Variants in SGPP2 observed in about 807,000 individuals in gnomAD.
The protein encoded by SGPP2 is sphingosine 1-phosphate phosphohydrolase 2.
Under a neutral mutation model 33.9 loss-of-function variants are expected in SGPP2, and 30 were observed. The ratio of observed to expected loss-of-function variants is 0.89; its 90% CI spans 0.66 to 1.20. SGPP2 has a LOEUF of 1.20. Among genes scored for constraint, SGPP2 ranks in the 50% most tolerant of loss-of-function variants. The probability of loss-of-function intolerance (pLI) is 0.00; values close to 1 mark genes in which losing one functional copy is unlikely to be tolerated. For synonymous variants in SGPP2, 233 were observed against 225.0 expected, an observed-to-expected ratio of 1.04 and a Z score of -0.32; for missense variants, 458 against 532.1, an observed-to-expected ratio of 0.86 and a Z score of 1.37.
chr2:222,524,876 C>T (rs1240396813), intron 3 of SGPP2, 68 bp from the exon 4 acceptor site: 10 of 1,232,126 alleles, frequency 8.1e-6, no homozygotes, highest in Non-Finnish European at 1.2e-5. Context: ...CCTATTCCCA[C>T]CTATGACATC....
At chr2:222,543,383 G>A (rs1333991916) in intron 4 of SGPP2, among the ~76,000 whole-genome samples, 1 of 152,032 alleles carries the variant, frequency 6.6e-6, no homozygotes, top group African/African-American at 2.4e-5. Context: ...TTATCCTCAG[G>A]GTATGCATTC....
chr2:222,483,337 C>G (rs1312009108), intron 2 of SGPP2, among the ~76,000 whole-genome samples: 9 of 151,576 alleles, frequency 5.9e-5, no homozygotes, highest in Non-Finnish European at 1.5e-5. Flanking sequence ...AGCCAAAGTC[C>G]TGGTGATAAG....
At chr2:222,458,204 A>G (rs1234109178) in intron 1 of SGPP2, among the ~76,000 whole-genome samples, 1 of 146,588 alleles carries the variant, frequency 6.8e-6, no homozygotes, top group East Asian at 2.0e-4. Context: ...AAGTGCCACC[A>G]TGCCTAGCTA....
At chr2:222,510,494 A>G (rs185245644) in intron 2 of SGPP2, among the ~76,000 whole-genome samples, 1 of 152,144 alleles carries the variant, frequency 6.6e-6, no homozygotes, top group East Asian at 1.9e-4. Context: ...CAGTGTTTCT[A>G]CCCCATGAGA....
chr2:222,426,310 CTG>C (rs1166899594), intron 1 of SGPP2, among the ~76,000 whole-genome samples: 1 of 151,782 alleles, frequency 6.6e-6, no homozygotes, highest in Non-Finnish European at 1.5e-5. Context: ...GGTGCACACA[CTG>C]TTTACACCCA....
At chr2:222,459,232 C>T (rs562486582) in intron 1 of SGPP2, among the ~76,000 whole-genome samples, 13 of 146,508 alleles carry the variant, frequency 8.9e-5, no homozygotes, top group South Asian at 2.2e-4. Context: ...CTGCAGCCTA[C>T]GCATCCCAGG....
rs984212779 is a variant in SGPP2 at position 222,477,511 on chromosome 2, A to G, written c.378+2785A>G. Among the ~76,000 whole-genome samples, 1 of 151,744 alleles carries G rather than the reference A, an allele frequency of 6.6e-6. No individual in the cohort carries two copies. The highest frequency in any genetic ancestry group is 6.6e-5 in the Admixed American group (1 of 15,238). On this transcript the variant is annotated intron_variant, in intron 2 of 4. Transcript: ENST00000321276. The surrounding 1 kb of genome is among the most constrained non-coding windows in gnomAD (Gnocchi z 6.0). ...GGTGTGTATATATGTTTATGTGTAT[A>G]TATATGTCTGTGTATATATGTGTAT...
intron 4 of SGPP2, among the ~76,000 whole-genome samples, chr2:222,552,390 T>G (rs55785047): frequency 0.36 from 54,131 of 152,064 alleles, 9,921 homozygotes; most frequent in South Asian, 0.5. Flanking sequence ...TTAATTTTTT[T>G]ATTATGGCCA....
intron 1 of SGPP2, among the ~76,000 whole-genome samples, chr2:222,437,017 G>T (rs1317311137): frequency 6.6e-6 from 1 of 152,162 alleles, no homozygotes; most frequent in Non-Finnish European, 1.5e-5. Flanking sequence ...GAAGACAGGA[G>T]TGGCTGGGGA....
Position 222,559,156 on chromosome 2 carries a change from A to ACCCCCCCC in SGPP2, c.*260_*261insCCCCCCCC, listed in dbSNP as rs1559180260. ...ATAATCCGGATCTTTAAAGGCACAC[A>ACCCCCCCC]CCGCGCCCCCCCCCCCCCCGCCCGG... is the stretch of plus-strand genomic sequence containing the variant. On this transcript the variant is annotated 3_prime_UTR_variant, in exon 5 of 5. Transcript: ENST00000321276. 1.8e-5 allele frequency: 1 copy of ACCCCCCCC among 56,260 alleles called. No homozygotes were observed. Among genetic ancestry groups the ACCCCCCCC allele is most frequent in the Non-Finnish European group, 3.1e-5 (1 of 32,426 alleles). The allele number at this position is 56,260 out of a possible 1,614,324, so 3.5% of individuals were successfully genotyped here. A position where few individuals can be genotyped will look rare whatever the true frequency, so the allele number is the denominator to read the frequency against.
intron 3 of SGPP2, 68 bp downstream of exon 3, chr2:222,522,014 T>C: frequency 3.5e-6 from 5 of 1,411,198 alleles, no homozygotes; most frequent in Non-Finnish European, 4.7e-6. Flanking sequence ...ACTTCTGAAT[T>C]TTCTCTTAAA....
chr2:222,430,079 A>C (rs1162629415), intron 1 of SGPP2, among the ~76,000 whole-genome samples: 4 of 86,096 alleles, frequency 4.6e-5, no homozygotes, highest in Non-Finnish European at 9.6e-5. Context: ...AAAAGGATGC[A>C]GTGCAAAAAA....
intron 2 of SGPP2, among the ~76,000 whole-genome samples, chr2:222,481,508 G>C (rs889968487): frequency 5.9e-5 from 9 of 152,296 alleles, no homozygotes; most frequent in African/African-American, 2.2e-4. Flanking sequence ...TCAAGACTTT[G>C]AGAAGTGGTA....
chr2:222,458,380 G>A (rs1697604163), intron 1 of SGPP2, among the ~76,000 whole-genome samples: 1 of 152,110 alleles, frequency 6.6e-6, no homozygotes, highest in African/African-American at 2.4e-5. Flanking sequence ...AAGAAACTCT[G>A]CTCCTTAACA....
chr2:222,530,222 G>T (rs1192585096), intron 4 of SGPP2, among the ~76,000 whole-genome samples: 1 of 152,150 alleles, frequency 6.6e-6, no homozygotes, highest in African/African-American at 2.4e-5. Context: ...TTTTCAGAAT[G>T]GTAAATGGCC....
chr2:222,449,142 C>A (rs1045998827), intron 1 of SGPP2, among the ~76,000 whole-genome samples: 1 of 152,296 alleles, frequency 6.6e-6, no homozygotes, highest in Non-Finnish European at 1.5e-5. Context: ...TCCCACTGTG[C>A]GTTCTGTCTT....
At chr2:222,472,256 G>A (rs1202940294) in intron 1 of SGPP2, among the ~76,000 whole-genome samples, 2 of 152,134 alleles carry the variant, frequency 1.3e-5, no homozygotes, top group Non-Finnish European at 2.9e-5. Context: ...CTCCCAATGG[G>A]TTCTTCCTGC....
At chr2:222,466,413 C>T (rs1697746967) in intron 1 of SGPP2, among the ~76,000 whole-genome samples, 1 of 152,072 alleles carries the variant, frequency 6.6e-6, no homozygotes, top group Non-Finnish European at 1.5e-5. Context: ...CGCATGCCAC[C>T]ATGCCTGGCT....
chr2:222,448,644 T>C (rs1004440712), intron 1 of SGPP2, among the ~76,000 whole-genome samples: 1 of 152,358 alleles, frequency 6.6e-6, no homozygotes, highest in Non-Finnish European at 1.5e-5. Context: ...TTTTTTGTTA[T>C]GCTCACATTG....
Sources: allele counts gnomAD v4.1 joint callset (sites outside exome capture counted in the v4.1 genomes callset), GRCh38; gene constraint gnomAD v4.1.1; non-coding constraint Gnocchi (gnomAD v3.1); transcripts MANE v1.5; gene names NCBI Gene and HGNC (gene_info 2026-07-23, HGNC 2026-07-21).